The following EDIL3 variants were observed in gnomAD, a reference collection of about 807,000 sequenced individuals.
EDIL3 encodes EGF-like repeat and discoidin I-like domain-containing protein 3.
Under a neutral mutation model 67.4 loss-of-function variants are expected in EDIL3, and 37 were observed. That is an observed-to-expected ratio of 0.55 (90% CI 0.42 to 0.72). The LOEUF (loss-of-function observed/expected upper bound fraction) is 0.72. EDIL3 is among the 30% of genes least tolerant of loss of function. The pLI is 0.00. For missense variants in EDIL3, 527 were observed against 586.3 expected, an observed-to-expected ratio of 0.90 and a Z score of 1.04; for synonymous variants, 195 against 196.3, an observed-to-expected ratio of 0.99 and a Z score of 0.05.
chr5:84,330,444 A>G (rs1279148325), intron 1 of EDIL3, among the ~76,000 whole-genome samples: 1 of 152,208 alleles, frequency 6.6e-6, no homozygotes, highest in Non-Finnish European at 1.5e-5. Context: ...GAATATGCAT[A>G]TAGTTGGTAA....
At chr5:84,109,252 T>C (rs1351207579) in intron 5 of EDIL3, among the ~76,000 whole-genome samples, 1 of 152,218 alleles carries the variant, frequency 6.6e-6, no homozygotes, top group Non-Finnish European at 1.5e-5. Flanking sequence ...ATGTCTGTAA[T>C]CCCAGCACTT....
chr5:84,133,530 G>A lies in EDIL3; in HGVS notation c.469+3711C>T, dbSNP rs1044571524. Among the ~76,000 whole-genome samples, 138 of 151,422 alleles carry A rather than the reference G, an allele frequency of 9.1e-4. 1 individual carries two copies. Among genetic ancestry groups the A allele is most frequent in the African/African-American group, 3.2e-3 (132 of 41,276 alleles). ...GCGTGCCTGTAGTGCCAGCTGCTAG[G>A]GAGGCTGAGGCAGGAGAATCACTTG... On this transcript the variant is annotated intron_variant, in intron 5 of 10. Transcript: ENST00000296591.
At chr5:84,243,895 T>C (rs565278923) in intron 2 of EDIL3, among the ~76,000 whole-genome samples, 2 of 152,348 alleles carry the variant, frequency 1.3e-5, no homozygotes, top group African/African-American at 4.8e-5. Context: ...TCTCATTATA[T>C]GACTCATTTA....
rs906467845 is a variant in EDIL3 at position 83,976,738 on chromosome 5, C to T, written c.1138-13378G>A. Among the ~76,000 whole-genome samples the T allele has an allele frequency of 3.3e-5, 5 of 151,620 alleles. No individual in the cohort carries two copies. The East Asian group carries it at 7.8e-4, about 24-fold the overall frequency. On this transcript the variant is annotated intron_variant, in intron 9 of 10. Transcript: ENST00000296591. ...TTCTCCCCACCAAGTATACTCAATC[C>T]TAAATTGTTTATTGTGCCCTTGCTT...
At chr5:84,209,959 A>T (rs1213789430) in intron 3 of EDIL3, among the ~76,000 whole-genome samples, 1 of 152,232 alleles carries the variant, frequency 6.6e-6, no homozygotes, top group Non-Finnish European at 1.5e-5. Context: ...GAAAGAGCTT[A>T]GACTTGTGTC....
At chr5:84,105,139 C>A (rs553887022) in intron 6 of EDIL3, among the ~76,000 whole-genome samples, 2 of 152,066 alleles carry the variant, frequency 1.3e-5, no homozygotes, top group African/African-American at 2.4e-5. Context: ...TAATTATTTT[C>A]TATTATTCTG....
At chr5:84,082,440 A>G (rs1746987451) in intron 6 of EDIL3, among the ~76,000 whole-genome samples, 1 of 152,220 alleles carries the variant, frequency 6.6e-6, no homozygotes, top group South Asian at 2.1e-4. Flanking sequence ...CTAGCATATT[A>G]ATTTCTAGCA....
At chr5:84,106,210 AG>A (rs1747457364) in intron 6 of EDIL3, among the ~76,000 whole-genome samples, 1 of 152,108 alleles carries the variant, frequency 6.6e-6, no homozygotes, top group African/African-American at 2.4e-5. Context: ...TCAGCTTGAA[AG>A]AAGGTGCATT....
intron 9 of EDIL3, among the ~76,000 whole-genome samples, chr5:84,036,154 G>A (rs1366784729): frequency 6.6e-6 from 1 of 152,176 alleles, no homozygotes; most frequent in Non-Finnish European, 1.5e-5. Context: ...GAATGATGAT[G>A]TGTAATGATG....
chr5:84,181,389 A>T (rs1265425050), intron 3 of EDIL3: 1 of 152,260 alleles, frequency 6.6e-6, no homozygotes, highest in East Asian at 1.9e-4. Flanking sequence ...CCAAAGGGGC[A>T]TAGAGCTAGC....
rs144173974 is a variant in EDIL3 at position 83,976,200 on chromosome 5, A to G, written c.1138-12840T>C. On this transcript the variant is annotated intron_variant, in intron 9 of 10. Coordinates refer to ENST00000296591, the MANE Select transcript of EDIL3 (RefSeq NM_005711.5). ...GATGCATTGCTTCCAACTCTTTTGTAGAGTAGCATTTTCTTTAAAAAGTAA... is the reference window on the plus strand; with the variant it reads ...GATGCATTGCTTCCAACTCTTTTGTGGAGTAGCATTTTCTTTAAAAAGTAA... Among the ~76,000 whole-genome samples the G allele has an allele frequency of 3.0e-4, 46 of 151,978 alleles. No homozygotes were observed. In the East Asian group the frequency reaches 5.8e-3, roughly 19 times the overall value.
intron 1 of EDIL3, among the ~76,000 whole-genome samples, chr5:84,342,915 C>A (rs923312795): frequency 6.6e-6 from 1 of 152,034 alleles, no homozygotes; most frequent in Non-Finnish European, 1.5e-5. Context: ...CCTTATTACT[C>A]ATTTTTCATT....
chr5:83,967,019 G>A (rs1744701635), intron 9 of EDIL3, among the ~76,000 whole-genome samples: 1 of 152,020 alleles, frequency 6.6e-6, no homozygotes, highest in South Asian at 2.1e-4. Flanking sequence ...GAGTGAAATG[G>A]TTAACTAAAA....
At chr5:84,308,651 AACAG>A (rs978437356) in intron 1 of EDIL3, among the ~76,000 whole-genome samples, 6 of 152,210 alleles carry the variant, frequency 3.9e-5, no homozygotes, top group South Asian at 2.1e-4. Context: ...ATTAAAATAA[AACAG>A]ACAGTAAATT....
chr5:84,340,532 CTCTATATATATATA>C (rs1335158038), intron 1 of EDIL3, among the ~76,000 whole-genome samples: 165 of 66,590 alleles, frequency 2.5e-3, no homozygotes, highest in African/African-American at 3.9e-3. Context: ...CTCTCTCTCT[CTCTATATATATATA>C]TATATATATA....
At chr5:84,342,142 G>A (rs2112178477) in intron 1 of EDIL3, among the ~76,000 whole-genome samples, 1 of 152,190 alleles carries the variant, frequency 6.6e-6, no homozygotes, top group Non-Finnish European at 1.5e-5. Context: ...AAAGAAAATA[G>A]AGTGTATATA....
intron 6 of EDIL3, among the ~76,000 whole-genome samples, chr5:84,075,890 G>GCGCACACACACA (rs376573495): frequency 6.9e-6 from 1 of 144,970 alleles, no homozygotes; most frequent in Admixed American, 6.9e-5. Context: ...AAGTGTGCAC[G>GCGCACACACACA]CACACACACA....
intron 6 of EDIL3, among the ~76,000 whole-genome samples, chr5:84,068,367 C>A (rs1470905861): frequency 6.6e-6 from 1 of 152,056 alleles, no homozygotes; most frequent in African/African-American, 2.4e-5. Context: ...GCTGAACATT[C>A]CTTTTTCAAT....
Position 84,116,191 on chromosome 5 carries a change from C to CAAAAA in EDIL3, c.470-9366_470-9362dup, listed in dbSNP as rs71605896. ...TATGAAATTTTAGTGTTCCAGAGGT[C>CAAAAA]AAAAAAAAAAAAAAAAAACCCCAAG... is the stretch of plus-strand genomic sequence containing the variant. On this transcript the variant is annotated intron_variant, in intron 5 of 10. Coordinates refer to ENST00000296591, the MANE Select transcript of EDIL3 (RefSeq NM_005711.5). Among the ~76,000 whole-genome samples the CAAAAA allele has an allele frequency of 5.1e-3, 590 of 116,198 alleles. 10 individuals are homozygous for CAAAAA. Among genetic ancestry groups the CAAAAA allele is most frequent in the African/African-American group, 0.015 (456 of 30,254 alleles). 76.2% of individuals were successfully genotyped at this position (116,198 alleles called of 152,430 possible).
Sources: gnomAD v4.1 joint callset for allele counts (sites outside exome capture counted in the v4.1 genomes callset) on GRCh38, gnomAD v4.1.1 for gene constraint, MANE v1.5 for transcripts, NCBI Gene and HGNC (gene_info 2026-07-23, HGNC 2026-07-21) for gene names.